Variants in EYA4 observed in about 807,000 individuals in gnomAD.
EYA4 encodes the protein EYA transcriptional coactivator and phosphatase 4, also known as protein phosphatase EYA4.
A neutral mutation model predicts 87.9 loss-of-function variants in EYA4; 31 were observed. That is an observed-to-expected ratio of 0.35 (90% CI 0.27 to 0.48). The LOEUF (loss-of-function observed/expected upper bound fraction) is 0.48. EYA4 is among the 20% of genes least tolerant of loss of function. The probability of loss-of-function intolerance (pLI) is 0.99; values close to 1 mark genes in which losing one functional copy is unlikely to be tolerated. For synonymous variants in EYA4, 263 were observed against 270.6 expected (o/e 0.97, Z 0.28); for missense variants, 678 against 761.4 (o/e 0.89, Z 1.29).
chr6:133,395,959 C>T (rs1476088705), intron 3 of EYA4, among the ~76,000 whole-genome samples: 1 of 152,136 alleles, frequency 6.6e-6, no homozygotes, highest in African/African-American at 2.4e-5. Context: ...CACGTCCTTA[C>T]CAAAGGTTTT....
At chr6:133,357,195 C>T (rs1360771766) in intron 2 of EYA4, among the ~76,000 whole-genome samples, 3 of 138,436 alleles carry the variant, frequency 2.2e-5, no homozygotes, top group African/African-American at 5.6e-5. Flanking sequence ...GGCGTGAACC[C>T]GGGAGGCGGA....
intron 1 of EYA4, among the ~76,000 whole-genome samples, chr6:133,266,705 G>C (rs1249647811): frequency 6.6e-6 from 1 of 151,968 alleles, no homozygotes; most frequent in Non-Finnish European, 1.5e-5. Context: ...GTTTCTATCT[G>C]TATTGTCCTA....
intron 2 of EYA4, among the ~76,000 whole-genome samples, chr6:133,288,056 G>C (rs1778206925): frequency 6.6e-6 from 1 of 152,144 alleles, no homozygotes; most frequent in Non-Finnish European, 1.5e-5. Context: ...TGGAACCCAG[G>C]AGTCGGAGGT....
At chr6:133,432,364 C>A (rs1309697488) in intron 3 of EYA4, among the ~76,000 whole-genome samples, 1 of 152,206 alleles carries the variant, frequency 6.6e-6, no homozygotes, top group Non-Finnish European at 1.5e-5. Flanking sequence ...TGCTCTTTGG[C>A]ACTGAACACA....
At chr6:133,395,752 C>G (rs1467691127) in intron 3 of EYA4, among the ~76,000 whole-genome samples, 103 of 152,138 alleles carry the variant, frequency 6.8e-4, no homozygotes, top group Non-Finnish European at 8.8e-5. Context: ...CAGAGCAAGA[C>G]TTCGTCTAAA....
At chr6:133,329,104 A>G (rs1562295268) in intron 2 of EYA4, among the ~76,000 whole-genome samples, 1 of 152,046 alleles carries the variant, frequency 6.6e-6, no homozygotes, top group African/African-American at 2.4e-5. Flanking sequence ...ATTTGCTCCA[A>G]CTGTACATTT....
chr6:133,247,568 G>T (rs949756749), intron 1 of EYA4: 1 of 152,144 alleles, frequency 6.6e-6, no homozygotes, highest in Non-Finnish European at 1.5e-5. Flanking sequence ...TCTGGTTATC[G>T]CATGTGTAAG....
intron 14 of EYA4, 65 bp downstream of exon 14, chr6:133,506,260 C>T: frequency 2.3e-6 from 2 of 881,374 alleles, no homozygotes; most frequent in Non-Finnish European, 3.8e-6. Flanking sequence ...GTTTCTGTAT[C>T]TGTAGATAAC....
intron 3 of EYA4, among the ~76,000 whole-genome samples, chr6:133,406,276 A>G (rs1033932056): frequency 5.9e-5 from 9 of 152,214 alleles, no homozygotes; most frequent in African/African-American, 1.9e-4. Context: ...TACAGGACTC[A>G]TGACACGAGA....
At chr6:133,441,970 G>C (rs1031314369) in intron 3 of EYA4, among the ~76,000 whole-genome samples, 8 of 151,152 alleles carry the variant, frequency 5.3e-5, no homozygotes, top group African/African-American at 1.7e-4. Context: ...TATATGTATT[G>C]ATCCATATAT....
chr6:133,378,442 T>C (rs1785894310), intron 2 of EYA4, among the ~76,000 whole-genome samples: 1 of 152,184 alleles, frequency 6.6e-6, no homozygotes, highest in Non-Finnish European at 1.5e-5. Flanking sequence ...ATTATTGTTA[T>C]GTAATTGAAG....
chr6:133,508,411 G>A (rs1008916519), intron 14 of EYA4, among the ~76,000 whole-genome samples: 7 of 152,052 alleles, frequency 4.6e-5, no homozygotes, highest in African/African-American at 1.2e-4. Context: ...TACATACAGC[G>A]ATAACTTTTG....
chr6:133,248,269 C>T (rs1242857785), intron 1 of EYA4: 1 of 152,136 alleles, frequency 6.6e-6, no homozygotes, highest in Non-Finnish European at 1.5e-5. Flanking sequence ...GTTATCCTTT[C>T]CCCCTTTCTT....
intron 3 of EYA4, among the ~76,000 whole-genome samples, chr6:133,408,052 T>C (rs1472651496): frequency 2.0e-5 from 3 of 152,234 alleles, no homozygotes; most frequent in African/African-American, 7.2e-5. Flanking sequence ...TCCTGAACTA[T>C]AATACATATC....
chr6:133,437,117 A>G (rs1791764311), intron 3 of EYA4, among the ~76,000 whole-genome samples: 2 of 152,120 alleles, frequency 1.3e-5, no homozygotes, highest in Non-Finnish European at 2.9e-5. Flanking sequence ...TATTGTCTGG[A>G]AAGATGCTAA....
intron 2 of EYA4, among the ~76,000 whole-genome samples, chr6:133,365,545 A>T (rs765954604): frequency 1.3e-5 from 2 of 152,022 alleles, no homozygotes; most frequent in Admixed American, 6.6e-5. Flanking sequence ...TATTACTTAC[A>T]TTTCCCACGA....
rs189136672 is a variant in EYA4 at position 133,495,901 on chromosome 6, T to A, written c.1192-10205T>A. On this transcript the variant is annotated intron_variant, in intron 13 of 19. Transcript: ENST00000355286. ...CACTAGAGTGGAGTATTTCCCAGAC[T>A]TTTTTTCCTTGAGCAAACTAATGAA... 3.6e-3 allele frequency among the ~76,000 whole-genome samples: 544 copies of A among 152,286 alleles called. 1 individual carries two copies. The highest frequency in any genetic ancestry group is 6.8e-3 in the Middle Eastern group (2 of 294).
At chr6:133,298,815 C>G (rs188647723) in intron 2 of EYA4, among the ~76,000 whole-genome samples, 1 of 152,262 alleles carries the variant, frequency 6.6e-6, no homozygotes, top group East Asian at 1.9e-4. Flanking sequence ...TGTCTTTAAC[C>G]TACAGAAATA....
chr6:133,411,539 G>GTGTGTATC lies in EYA4; in HGVS notation c.83+29102_83+29109dup, dbSNP rs1193062442. On this transcript the variant is annotated intron_variant, in intron 3 of 19. Transcript: ENST00000355286. Reference sequence around the variant, plus strand: ...CATTTAATTTTCCATATATGTGTGTGTGTGTATCTGTATATCTGTCTATCT... The same window carrying GTGTGTATC: ...CATTTAATTTTCCATATATGTGTGTGTGTGTATCTGTGTATCTGTATATCTGTCTATCT... 2.6e-5 allele frequency among the ~76,000 whole-genome samples: 4 copies of GTGTGTATC among 151,914 alleles called. No homozygotes were observed. The South Asian group carries it at 6.3e-4, about 24-fold the overall frequency.
Sources: allele counts gnomAD v4.1 joint callset (sites outside exome capture counted in the v4.1 genomes callset), GRCh38; gene constraint gnomAD v4.1.1; transcripts MANE v1.5; gene names NCBI Gene and HGNC (gene_info 2026-07-23, HGNC 2026-07-21).